Variants in LNX1 observed in about 807,000 individuals in gnomAD.
LNX1 encodes E3 ubiquitin-protein ligase LNX.
In LNX1, 54 loss-of-function variants were observed where a neutral mutation model predicts 68.4. The ratio of observed to expected loss-of-function variants is 0.79; its 90% CI spans 0.63 to 0.99. The LOEUF is 0.99. Ranked by LOEUF, LNX1 falls within the 50% of genes least tolerant of loss-of-function variation. The pLI is 0.00. For missense variants in LNX1, 906 were observed against 926.4 expected (o/e 0.98, Z 0.29); for synonymous variants, 336 against 350.0 (o/e 0.96, Z 0.45).
At chr4:53,467,148 C>A (rs1277947389) in intron 9 of LNX1, among the ~76,000 whole-genome samples, 1 of 152,118 alleles carries the variant, frequency 6.6e-6, no homozygotes, top group East Asian at 1.9e-4. Context: ...GACAAAACTT[C>A]AGAGGAATGA....
At chr4:53,609,658 A>G (rs970924712) in intron 2 of LNX1, among the ~76,000 whole-genome samples, 7 of 145,254 alleles carry the variant, frequency 4.8e-5, no homozygotes, top group African/African-American at 1.7e-4. Context: ...TAATACTATT[A>G]TAGTACTATT....
intron 1 of LNX1, among the ~76,000 whole-genome samples, chr4:53,590,918 G>A (rs1190129928): frequency 3.3e-5 from 5 of 151,338 alleles, no homozygotes; most frequent in Non-Finnish European, 7.4e-5. Flanking sequence ...TTTTCAGGGG[G>A]AAAGAAAAAA....
intron 1 of LNX1, among the ~76,000 whole-genome samples, chr4:53,589,567 T>G (rs1001456941): frequency 1.3e-5 from 2 of 152,182 alleles, no homozygotes; most frequent in Non-Finnish European, 2.9e-5. Context: ...CTAACATATA[T>G]TAGCTACCTC....
upstream of LNX1, among the ~76,000 whole-genome samples, chr4:53,618,175 G>T (rs1021354610): frequency 2.6e-5 from 4 of 152,046 alleles, no homozygotes; most frequent in African/African-American, 9.7e-5. Flanking sequence ...CTTATCTTTG[G>T]TTTATTTTAA....
At chr4:53,501,623 A>G (rs1725510244) in intron 4 of LNX1, among the ~76,000 whole-genome samples, 3 of 152,176 alleles carry the variant, frequency 2.0e-5, no homozygotes, top group Admixed American at 2.0e-4. Flanking sequence ...TGAAGCTTAG[A>G]GCATTAAGCA....
chr4:53,501,303 GGT>G (rs1491382524), intron 4 of LNX1, among the ~76,000 whole-genome samples: 12 of 115,438 alleles, frequency 1.0e-4, no homozygotes, highest in Non-Finnish European at 1.8e-4. Context: ...TTTTTTTGGG[GGT>G]GGGGGGACAG....
At chr4:53,520,714 C>T (rs1361080678) in intron 2 of LNX1, among the ~76,000 whole-genome samples, 1 of 152,148 alleles carries the variant, frequency 6.6e-6, no homozygotes, top group Non-Finnish European at 1.5e-5. Context: ...GTAATCCCAA[C>T]ACTTTGGGAG....
intron 2 of LNX1, among the ~76,000 whole-genome samples, chr4:53,568,247 A>G (rs1232895982): frequency 3.3e-5 from 5 of 151,802 alleles, no homozygotes; most frequent in African/African-American, 9.7e-5. Flanking sequence ...AAAATCCTCA[A>G]TAAAATACTG....
chr4:53,581,630 C>T (rs1304508901), intron 1 of LNX1, among the ~76,000 whole-genome samples: 1 of 152,120 alleles, frequency 6.6e-6, no homozygotes, highest in African/African-American at 2.4e-5. Flanking sequence ...AGGGGAACCG[C>T]CCTTTATAAA....
chr4:53,555,637 G>A (rs1165046909), intron 2 of LNX1, among the ~76,000 whole-genome samples: 1 of 152,172 alleles, frequency 6.6e-6, no homozygotes, highest in Non-Finnish European at 1.5e-5. Flanking sequence ...GACAGTACCT[G>A]AAATGTGTCA....
At chr4:53,541,955 A>G (rs1333021906) in intron 2 of LNX1, among the ~76,000 whole-genome samples, 5 of 152,266 alleles carry the variant, frequency 3.3e-5, no homozygotes, top group Non-Finnish European at 7.3e-5. Flanking sequence ...GAGCATGCAT[A>G]AATCAGCTGC....
intron 9 of LNX1, among the ~76,000 whole-genome samples, chr4:53,468,779 A>G (rs1722902520): frequency 6.6e-6 from 1 of 152,258 alleles, no homozygotes; most frequent in African/African-American, 2.4e-5. Flanking sequence ...CAATTCAACA[A>G]GAAGAGCTAA....
chr4:53,580,494 C>T (rs889962323), intron 1 of LNX1, among the ~76,000 whole-genome samples: 58 of 152,314 alleles, frequency 3.8e-4, no homozygotes, highest in African/African-American at 1.4e-3. Context: ...AAACTGCATC[C>T]ACTTTCTTGC....
At chr4:53,607,576 A>G (rs1389209867) in intron 2 of LNX1, among the ~76,000 whole-genome samples, 1 of 152,228 alleles carries the variant, frequency 6.6e-6, no homozygotes, top group Non-Finnish European at 1.5e-5. Context: ...CTATCAAACT[A>G]CTAATGACAT....
intron 6 of LNX1, among the ~76,000 whole-genome samples, chr4:53,492,883 C>A (rs1722739366): frequency 6.6e-6 from 1 of 152,052 alleles, no homozygotes; most frequent in South Asian, 2.1e-4. Context: ...ATGAAGCAGG[C>A]ATCTGGAGGT....
At chr4:53,513,085 C>T (rs1425663965) in intron 2 of LNX1, among the ~76,000 whole-genome samples, 1 of 134,792 alleles carries the variant, frequency 7.4e-6, no homozygotes, top group East Asian at 2.2e-4. Context: ...TACCCCACTG[C>T]ATCTTAACCA....
At chr4:53,577,165 G>C (rs57902014) in intron 1 of LNX1, among the ~76,000 whole-genome samples, 4 of 152,192 alleles carry the variant, frequency 2.6e-5, no homozygotes, top group Non-Finnish European at 5.9e-5. Context: ...AATACTTTAA[G>C]TGACATCAGA....
intron 2 of LNX1, among the ~76,000 whole-genome samples, chr4:53,568,998 C>T (rs1040397182): frequency 1.3e-5 from 2 of 150,590 alleles, no homozygotes; most frequent in Non-Finnish European, 3.0e-5. Context: ...AACCACTGCT[C>T]AAGGAAATAA....
chr4:53,464,030 T>A (rs1433598880), intron 9 of LNX1, among the ~76,000 whole-genome samples: 1 of 152,074 alleles, frequency 6.6e-6, no homozygotes, highest in Non-Finnish European at 1.5e-5. Flanking sequence ...TAAATTATTT[T>A]AAATTTTTCA....
Sources: allele counts gnomAD v4.1 joint callset (sites outside exome capture counted in the v4.1 genomes callset), GRCh38; gene constraint gnomAD v4.1.1; transcripts MANE v1.5; gene names NCBI Gene and HGNC (gene_info 2026-07-23, HGNC 2026-07-21).